Variants in SEL1L3 observed in about 807,000 individuals in gnomAD.
The protein encoded by SEL1L3 is protein sel-1 homolog 3.
In SEL1L3, 76 loss-of-function variants were observed where a neutral mutation model predicts 142.8. That is an observed-to-expected ratio of 0.53 (90% confidence interval 0.44 to 0.64). The LOEUF (loss-of-function observed/expected upper bound fraction) is 0.64, where lower values mean the gene tolerates loss of function less well. Ranked by LOEUF, SEL1L3 falls within the 30% of genes least tolerant of loss-of-function variation. The probability of loss-of-function intolerance (pLI) is 0.00; values close to 1 mark genes in which losing one functional copy is unlikely to be tolerated. For synonymous variants in SEL1L3, 504 were observed against 519.6 expected, an observed-to-expected ratio of 0.97 and a Z score of 0.41; for missense variants, 1,262 against 1,381.7, an observed-to-expected ratio of 0.91 and a Z score of 1.37.
the SEL1L3 span, among the ~76,000 whole-genome samples, chr4:25,741,103 T>G: frequency 1.4e-4 from 20 of 147,362 alleles, no homozygotes; most frequent in Non-Finnish European, 2.4e-4. Flanking sequence ...TATATTGCTT[T>G]CTTTCTTTTT....
At chr4:25,774,410 CCCAA>C (rs1027532364) in intron 17 of SEL1L3, among the ~76,000 whole-genome samples, 6 of 152,114 alleles carry the variant, frequency 3.9e-5, no homozygotes, top group Non-Finnish European at 7.4e-5. Context: ...TTCTCCTTCC[CCCAA>C]CCAACCAACC....
In SEL1L3 at chr4:25,759,299, G is replaced by A. The variant is rs560687104; in HGVS notation, c.2956-231C>T. ...GAAGCTGCTGTGTCCCATCTGCTCCGAAGCCAGTCAACCGGGAGATCCGTC... is the reference window on the plus strand; with the variant it reads ...GAAGCTGCTGTGTCCCATCTGCTCCAAAGCCAGTCAACCGGGAGATCCGTC... On this transcript the variant is annotated intron_variant, in intron 20 of 23. Coordinates refer to ENST00000399878, the MANE Select transcript of SEL1L3 (RefSeq NM_015187.5). 15 of 476,424 alleles carry A rather than the reference G, an allele frequency of 3.1e-5. No homozygotes were observed. In the East Asian group the frequency reaches 3.4e-4, roughly 11 times the overall value. The allele number at this position is 476,424 out of a possible 1,614,324, so 29.5% of individuals were successfully genotyped here. A position where few individuals can be genotyped will look rare whatever the true frequency, so the allele number is the denominator to read the frequency against.
At position 25,779,025 on chromosome 4, in the gene SEL1L3, G is replaced by A. The variant is rs948670598; in HGVS notation, c.2585+51C>T. 61 of 1,586,988 alleles carry A rather than the reference G, an allele frequency of 3.8e-5. No individual in the cohort carries two copies. In the Admixed American group the frequency reaches 1.0e-3, roughly 27 times the overall value. Reference sequence around the variant, plus strand: ...AACTTAAAAAATGCTCAGGCACAGAGAATATAGGATATGGCTTTCCCTTCA... The same window carrying A: ...AACTTAAAAAATGCTCAGGCACAGAAAATATAGGATATGGCTTTCCCTTCA... On this transcript the variant is annotated intron_variant, in intron 16 of 23. Coordinates refer to ENST00000399878, the MANE Select transcript of SEL1L3 (RefSeq NM_015187.5).
chr4:25,807,386 A>G (rs1713662424), intron 9 of SEL1L3, among the ~76,000 whole-genome samples: 1 of 152,156 alleles, frequency 6.6e-6, no homozygotes, highest in South Asian at 2.1e-4. Flanking sequence ...CCCTTTGCAT[A>G]GTTAAGAGAA....
intron 12 of SEL1L3, 105 bp downstream of exon 12, chr4:25,790,350 C>A (rs773877862): frequency 8.5e-5 from 93 of 1,089,414 alleles, no homozygotes; most frequent in Non-Finnish European, 1.1e-4. Context: ...GAGAAATAAA[C>A]TGGCATTATT....
chr4:25,747,164 A>G (rs1306522348), downstream of SEL1L3, among the ~76,000 whole-genome samples: 2 of 152,214 alleles, frequency 1.3e-5, no homozygotes, highest in Non-Finnish European at 2.9e-5. Flanking sequence ...GCCTGGAATG[A>G]ACATAGAGCC....
At chr4:25,818,009 G>A (rs895959473) in intron 9 of SEL1L3, 129 bp downstream of exon 9, 3 of 964,212 alleles carry the variant, frequency 3.1e-6, no homozygotes, top group Non-Finnish European at 4.5e-6. Flanking sequence ...ATTTAAATCT[G>A]AAATTAAACT....
At chr4:25,804,041 T>G (rs1052339887) in intron 10 of SEL1L3, among the ~76,000 whole-genome samples, 2 of 152,196 alleles carry the variant, frequency 1.3e-5, no homozygotes, top group African/African-American at 4.8e-5. Context: ...TAATGCACTA[T>G]GAAAATGTAA....
intron 1 of SEL1L3, among the ~76,000 whole-genome samples, chr4:25,859,540 T>G (rs906688953): frequency 3.9e-5 from 6 of 152,200 alleles, no homozygotes; most frequent in Non-Finnish European, 8.8e-5. Flanking sequence ...GCATGCTCCC[T>G]GTGAGGGCAG....
the SEL1L3 span, among the ~76,000 whole-genome samples, chr4:25,727,290 G>C: frequency 6.6e-6 from 1 of 152,100 alleles, no homozygotes. Context: ...TTGACCTCGT[G>C]ATCCGCCCTC....
At chr4:25,774,299 C>T (rs115873115) in intron 17 of SEL1L3, among the ~76,000 whole-genome samples, 82 of 152,240 alleles carry the variant, frequency 5.4e-4, no homozygotes, top group African/African-American at 1.8e-3. Flanking sequence ...AGGCATCTCT[C>T]GAAACCTGTG....
chr4:25,862,960 C>T lies in SEL1L3; in HGVS notation c.-124G>A. 5 of 627,920 alleles carry T rather than the reference C, an allele frequency of 8.0e-6. No individual in the cohort carries two copies. Among genetic ancestry groups the T allele is most frequent in the Non-Finnish European group, 9.9e-6 (5 of 505,648 alleles). The allele number at this position is 627,920 out of a possible 1,614,324, so 38.9% of individuals were successfully genotyped here. Reference sequence around the variant, plus strand: ...CCGCCGCGCGCGGGGCCACCTGCCGCCACCTCCGGACCCGCCGCCGCCGCC... The same window carrying T: ...CCGCCGCGCGCGGGGCCACCTGCCGTCACCTCCGGACCCGCCGCCGCCGCC... On this transcript the variant is annotated 5_prime_UTR_variant, in exon 1 of 24. Transcript: ENST00000399878.
chr4:25,788,078 C>A lies in SEL1L3; in HGVS notation c.2217+146G>T, dbSNP rs928012990. On this transcript the variant is annotated intron_variant, in intron 13 of 23. Coordinates refer to ENST00000399878, the MANE Select transcript of SEL1L3 (RefSeq NM_015187.5). This position sits in a 1 kb window ranked among gnomAD's most constrained non-coding sequence, Gnocchi z 5.3. ...ACTGCTTCTGACTCTGCCTTTTTAG[C>A]CAACATTCTTTTCCATCAAGAGTGA... The A allele has an allele frequency of 1.1e-5, 9 of 785,638 alleles. No individual in the cohort carries two copies. In the African/African-American group the frequency reaches 1.4e-4, roughly 12 times the overall value. 48.7% of individuals were successfully genotyped at this position (785,638 alleles called of 1,614,324 possible).
chr4:25,778,766 CAAAT>C (rs1719807007), intron 16 of SEL1L3, among the ~76,000 whole-genome samples: 1 of 151,100 alleles, frequency 6.6e-6, no homozygotes, highest in Admixed American at 6.6e-5. Flanking sequence ...GAAATAGAGA[CAAAT>C]AAAAAATAAA....
chr4:25,838,749 G>C (rs1171937771), intron 2 of SEL1L3, among the ~76,000 whole-genome samples: 1 of 152,134 alleles, frequency 6.6e-6, no homozygotes, highest in African/African-American at 2.4e-5. Flanking sequence ...GGAGTTCACC[G>C]AGGCCCCCAC....
chr4:25,751,535 A>G (rs993597127), intron 23 of SEL1L3, among the ~76,000 whole-genome samples: 1 of 151,886 alleles, frequency 6.6e-6, no homozygotes, highest in Admixed American at 6.6e-5. Flanking sequence ...GGACCTTTCC[A>G]CCACCGTGGG....
intron 1 of SEL1L3, chr4:25,862,000 G>A (rs1717739837): frequency 6.6e-6 from 1 of 152,128 alleles, no homozygotes; most frequent in African/African-American, 2.4e-5. Flanking sequence ...TGACATGCAT[G>A]AGCCAAACAT....
intron 11 of SEL1L3, among the ~76,000 whole-genome samples, chr4:25,798,196 G>A (rs943368871): frequency 2.0e-5 from 3 of 152,164 alleles, no homozygotes; most frequent in Non-Finnish European, 4.4e-5. Context: ...AACCCTGGCT[G>A]CAGGGTACAA....
At chr4:25,809,674 G>A (rs1374086697) in intron 9 of SEL1L3, among the ~76,000 whole-genome samples, 1 of 150,692 alleles carries the variant, frequency 6.6e-6, no homozygotes, top group East Asian at 1.9e-4. Context: ...CTCTCCTTTC[G>A]GAGCTGTTAT....
Sources: gnomAD v4.1 joint callset for allele counts (sites outside exome capture counted in the v4.1 genomes callset) on GRCh38, gnomAD v4.1.1 for gene constraint, Gnocchi (gnomAD v3.1) non-coding constraint, MANE v1.5 for transcripts, NCBI Gene and HGNC (gene_info 2026-07-23, HGNC 2026-07-21) for gene names.